The following ANKRD11 variants were observed in gnomAD, a reference collection of about 807,000 sequenced individuals.
ANKRD11 encodes ankyrin repeat domain-containing protein 11.
In ANKRD11, 17 loss-of-function variants were observed where a neutral mutation model predicts 195.7. The ratio of observed to expected loss-of-function variants is 0.09; its 90% CI spans 0.06 to 0.13. The LOEUF (loss-of-function observed/expected upper bound fraction) is 0.13. Among genes scored for constraint, ANKRD11 ranks in the 10% least tolerant of loss-of-function variants. The probability of loss-of-function intolerance (pLI) is 1.00; values close to 1 mark genes in which losing one functional copy is unlikely to be tolerated. For synonymous variants in ANKRD11, 1,953 were observed against 1,528.1 expected (o/e 1.28, Z -6.49); for missense variants, 3,735 against 3,566.1 (o/e 1.05, Z -1.21).
intron 1 of ANKRD11, among the ~76,000 whole-genome samples, chr16:89,483,743 G>A (rs779628011): frequency 3.3e-5 from 5 of 151,602 alleles, no homozygotes; most frequent in South Asian, 2.1e-4. Flanking sequence ...TAGGAGAATC[G>A]CCTGAACCCG....
Position 89,268,288 on chromosome 16 carries a change from A to C in ANKRD11, c.*190T>G, listed in dbSNP as rs1326454577. 2.8e-6 allele frequency: 1 copy of C among 351,210 alleles called. No homozygotes were observed. The highest frequency in any genetic ancestry group is 4.3e-5 in the African/African-American group (1 of 23,484). The allele number at this position is 351,210 out of a possible 1,614,324, so 21.8% of individuals were successfully genotyped here. A position where few individuals can be genotyped will look rare whatever the true frequency, so the allele number is the denominator to read the frequency against. ...CCCGCCGCGGCAGCTGGTAGAGAAG[A>C]GACGTGTTTCACCTCCCCGACGTCT... On this transcript the variant is annotated 3_prime_UTR_variant, in exon 13 of 13. Transcript: ENST00000301030.
chr16:89,486,661 G>C (rs1410986541), intron 1 of ANKRD11, among the ~76,000 whole-genome samples: 1 of 152,086 alleles, frequency 6.6e-6, no homozygotes, highest in Non-Finnish European at 1.5e-5. Context: ...TCAAGAATGG[G>C]GCATGGTATC....
intron 7 of ANKRD11, 140 bp downstream of exon 7, chr16:89,288,388 C>T (rs866108960): frequency 2.2e-5 from 29 of 1,337,884 alleles, no homozygotes; most frequent in South Asian, 1.4e-4. Flanking sequence ...GGGCACAGCT[C>T]GGCCTTGAGG....
At chr16:89,467,058 G>C (rs1457845278) in intron 1 of ANKRD11, among the ~76,000 whole-genome samples, 1 of 152,212 alleles carries the variant, frequency 6.6e-6, no homozygotes, top group Non-Finnish European at 1.5e-5. Context: ...AATGGTTGCA[G>C]GAACTCTGTG....
intron 2 of ANKRD11, among the ~76,000 whole-genome samples, chr16:89,318,565 T>C (rs1450533331): frequency 2.0e-5 from 2 of 101,180 alleles, no homozygotes; most frequent in African/African-American, 3.2e-5. Flanking sequence ...TGCAGACCCA[T>C]CTGTGAGTGG....
At chr16:89,439,168 T>G (rs1208266611) in intron 1 of ANKRD11, among the ~76,000 whole-genome samples, 1 of 152,166 alleles carries the variant, frequency 6.6e-6, no homozygotes, top group Non-Finnish European at 1.5e-5. Context: ...TCCCAGAGTC[T>G]TCTTTCCTAC....
chr16:89,466,069 T>C (rs1251503316), intron 1 of ANKRD11, among the ~76,000 whole-genome samples: 1 of 151,892 alleles, frequency 6.6e-6, no homozygotes, highest in Non-Finnish European at 1.5e-5. Context: ...TAAAAGGAGA[T>C]TGTGTCATAA....
intron 1 of ANKRD11, among the ~76,000 whole-genome samples, chr16:89,424,310 G>A (rs1021080220): frequency 3.3e-5 from 5 of 152,000 alleles, no homozygotes; most frequent in African/African-American, 1.2e-4. Context: ...GCGTGGTGGC[G>A]CATGCCTGTA....
chr16:89,441,843 T>C (rs1184982127), intron 1 of ANKRD11, among the ~76,000 whole-genome samples: 1 of 139,852 alleles, frequency 7.2e-6, no homozygotes, highest in East Asian at 2.1e-4. Context: ...AACTGAACAG[T>C]GTCCACAAGC....
intron 2 of ANKRD11, among the ~76,000 whole-genome samples, chr16:89,349,348 C>T (rs902629082): frequency 4.0e-5 from 6 of 150,360 alleles, no homozygotes; most frequent in African/African-American, 7.4e-5. Flanking sequence ...GGCGTGGTGG[C>T]GGGCGCCTGT....
chr16:89,275,038 T>G, intron 10 of ANKRD11, 55 bp downstream of exon 10: 1 of 1,612,846 alleles, frequency 6.2e-7, no homozygotes. Context: ...CCCTGGGGCC[T>G]GCGCCGTGAA....
intron 1 of ANKRD11, among the ~76,000 whole-genome samples, chr16:89,479,942 C>CCGGG (rs2057388075): frequency 1.4e-5 from 1 of 73,320 alleles, no homozygotes; most frequent in Admixed American, 1.6e-4. Flanking sequence ...GACTCCATCT[C>CCGGG]AAAAAAAAAA....
At chr16:89,427,027 T>G (rs1183015988) in intron 1 of ANKRD11, among the ~76,000 whole-genome samples, 2 of 152,212 alleles carry the variant, frequency 1.3e-5, no homozygotes, top group Non-Finnish European at 2.9e-5. Flanking sequence ...TCTCTTGGTA[T>G]GCAACAAGGT....
At chr16:89,432,989 TCCTCTCTCTCA>T (rs2043061104) in intron 1 of ANKRD11, among the ~76,000 whole-genome samples, 4 of 118,500 alleles carry the variant, frequency 3.4e-5, no homozygotes, top group African/African-American at 7.5e-5. Flanking sequence ...TCTCTCTCTC[TCCTCTCTCTCA>T]CACACACACA....
intron 4 of ANKRD11, among the ~76,000 whole-genome samples, chr16:89,302,887 A>G (rs3102345): frequency 0.73 from 111,279 of 152,090 alleles, 40,798 homozygotes; most frequent in Middle Eastern, 0.76. Context: ...TTCCAGGAGC[A>G]CCCAGGGCTG....
chr16:89,325,650 C>G (rs933328749), intron 2 of ANKRD11, among the ~76,000 whole-genome samples: 7 of 152,292 alleles, frequency 4.6e-5, no homozygotes, highest in Admixed American at 2.0e-4. Context: ...GACGGTGAAA[C>G]GGGTTCTAAG....
In ANKRD11 at chr16:89,379,045, C is replaced by T. The variant is rs561336518; in HGVS notation, c.-60+39239G>A. 7.9e-4 allele frequency among the ~76,000 whole-genome samples: 121 copies of T among 152,338 alleles called. 1 individual carries two copies. Among genetic ancestry groups the T allele is most frequent in the African/African-American group, 2.8e-3 (117 of 41,578 alleles). On this transcript the variant is annotated intron_variant, in intron 2 of 12. Coordinates refer to ENST00000301030, the MANE Select transcript of ANKRD11 (RefSeq NM_013275.6). ...CAAGCCGGGCTGAGGCATTCACTGT[C>T]GCTTAGAACTGAAAACTTAGGGTCG... is the stretch of plus-strand genomic sequence containing the variant.
intron 2 of ANKRD11, among the ~76,000 whole-genome samples, chr16:89,383,844 C>A (rs186983119): frequency 2.3e-3 from 352 of 152,354 alleles, no homozygotes; most frequent in Non-Finnish European, 3.5e-3. Context: ...CTCACTCCCA[C>A]CTTTCCCAAA....
chr16:89,356,790 AAAAAAG>A (rs1412819348), intron 2 of ANKRD11, among the ~76,000 whole-genome samples: 1 of 151,190 alleles, frequency 6.6e-6, no homozygotes, highest in African/African-American at 2.4e-5. Context: ...CAAAAAAAAA[AAAAAAG>A]AAAAAAGAAA....
Sources: gnomAD v4.1 joint callset for allele counts (sites outside exome capture counted in the v4.1 genomes callset) on GRCh38, gnomAD v4.1.1 for gene constraint, MANE v1.5 for transcripts, NCBI Gene and HGNC (gene_info 2026-07-23, HGNC 2026-07-21) for gene names.